Variants in FAM78B observed in about 807,000 individuals in gnomAD.
The protein encoded by FAM78B is family with sequence similarity 78 member B, also known as protein FAM78B.
Under a neutral mutation model 20.0 loss-of-function variants are expected in FAM78B, and 10 were observed. The ratio of observed to expected loss-of-function variants is 0.50; its 90% CI spans 0.31 to 0.85. FAM78B has a LOEUF of 0.85. Ranked by LOEUF, FAM78B falls within the 40% of genes least tolerant of loss-of-function variation. The pLI is 0.05. For missense variants in FAM78B, 283 were observed against 345.0 expected (o/e 0.82, Z 1.42); for synonymous variants, 135 against 132.8 (o/e 1.02, Z -0.12).
At chr1:166,133,990 G>GTGAGTGAC (rs1654978283) in intron 1 of FAM78B, among the ~76,000 whole-genome samples, 1 of 152,180 alleles carries the variant, frequency 6.6e-6, no homozygotes, top group Non-Finnish European at 1.5e-5. Flanking sequence ...CTGAGAGTCA[G>GTGAGTGAC]TGAGTGACTG....
At chr1:166,097,391 T>A (rs1195424814) in intron 1 of FAM78B, among the ~76,000 whole-genome samples, 1 of 152,160 alleles carries the variant, frequency 6.6e-6, no homozygotes, top group African/African-American at 2.4e-5. Context: ...AAATCCAGCA[T>A]ACAGACTGCA....
intron 1 of FAM78B, among the ~76,000 whole-genome samples, chr1:166,079,945 A>G (rs1025859219): frequency 3.3e-5 from 5 of 152,186 alleles, no homozygotes; most frequent in African/African-American, 4.8e-5. Flanking sequence ...GTGTGGTTTC[A>G]CTGCTGCTTG....
intron 1 of FAM78B, among the ~76,000 whole-genome samples, chr1:166,100,317 T>A (rs891433233): frequency 2.0e-5 from 3 of 152,140 alleles, no homozygotes; most frequent in Non-Finnish European, 4.4e-5. Context: ...ACCGGGTTCA[T>A]CTCATTGGGG....
At chr1:166,086,518 C>A (rs965286129) in intron 1 of FAM78B, among the ~76,000 whole-genome samples, 3 of 152,144 alleles carry the variant, frequency 2.0e-5, no homozygotes, top group Non-Finnish European at 4.4e-5. Context: ...CAGAGGGAGG[C>A]AGACACAGGA....
chr1:166,096,647 C>T (rs1653286342), intron 1 of FAM78B, among the ~76,000 whole-genome samples: 1 of 152,170 alleles, frequency 6.6e-6, no homozygotes. Context: ...CTCCAACTGT[C>T]CTGATGTAGT....
chr1:166,115,633 G>A lies in FAM78B; in HGVS notation c.264-44870C>T, dbSNP rs190629791. The stretch of plus-strand genomic sequence containing the variant: ...CATGATCCCTACCTTCGCCGGGGCA[G>A]CTTATGATCTATCAAAGGTTGACAA... On this transcript the variant is annotated intron_variant, in intron 1 of 1. Coordinates refer to ENST00000354422, the MANE Select transcript of FAM78B (RefSeq NM_001017961.5). Among the ~76,000 whole-genome samples the A allele has an allele frequency of 3.8e-3, 572 of 152,320 alleles. 4 individuals carry two copies. Among genetic ancestry groups the A allele is most frequent in the Middle Eastern group, 0.017 (5 of 292 alleles).
At chr1:166,078,674 C>A (rs1315283774) in intron 1 of FAM78B, among the ~76,000 whole-genome samples, 1 of 152,210 alleles carries the variant, frequency 6.6e-6, no homozygotes, top group African/African-American at 2.4e-5. Context: ...CTTTGCTCCC[C>A]CTGAAGCCCT....
At chr1:166,141,577 G>A (rs1286665172) in intron 1 of FAM78B, among the ~76,000 whole-genome samples, 2 of 152,338 alleles carry the variant, frequency 1.3e-5, no homozygotes, top group East Asian at 3.9e-4. Flanking sequence ...TGTTAAACTA[G>A]TAAATGCAGA....
At chr1:166,098,089 C>T (rs746855912) in intron 1 of FAM78B, among the ~76,000 whole-genome samples, 3 of 152,134 alleles carry the variant, frequency 2.0e-5, no homozygotes, top group Non-Finnish European at 2.9e-5. Flanking sequence ...CAACCTGGAG[C>T]CGGGTAGACT....
chr1:166,163,461 T>C (rs1656238010), intron 1 of FAM78B, among the ~76,000 whole-genome samples: 1 of 152,256 alleles, frequency 6.6e-6, no homozygotes, highest in South Asian at 2.1e-4. Flanking sequence ...CTTGCCATTT[T>C]ATGTTGTGGA....
chr1:166,076,745 T>C lies in FAM78B; in HGVS notation c.264-5982A>G, dbSNP rs148474452. ...ATTTGTTGAATACATATCAAATTGA[T>C]CTGAAGTGAAAGATGAGTGGAGACC... On this transcript the variant is annotated intron_variant, in intron 1 of 1. Coordinates refer to ENST00000354422, the MANE Select transcript of FAM78B (RefSeq NM_001017961.5). 5.6e-3 allele frequency among the ~76,000 whole-genome samples: 854 copies of C among 152,310 alleles called. 13 individuals are homozygous for C. The highest frequency in any genetic ancestry group is 0.02 in the African/African-American group (823 of 41,578).
At position 166,077,957 on chromosome 1, in the gene FAM78B, TAATTATATATATAATA is replaced by T. The variant is rs1652389993; in HGVS notation, c.264-7210_264-7195del. Among the ~76,000 whole-genome samples, 7 of 11,442 alleles carry T rather than the reference TAATTATATATATAATA, an allele frequency of 6.1e-4. 1 individual carries two copies. Among genetic ancestry groups the T allele is most frequent in the Admixed American group, 1.8e-3 (1 of 554 alleles). The allele number at this position is 11,442 out of a possible 152,430, so 7.5% of individuals were successfully genotyped here. A position where few individuals can be genotyped will look rare whatever the true frequency, so the allele number is the denominator to read the frequency against. ...TAATAATATATATAATTTATATATA[TAATTATATATATAATA>T]AATATATATAATTTATATATATAAT... On this transcript the variant is annotated intron_variant, in intron 1 of 1. Coordinates refer to ENST00000354422, the MANE Select transcript of FAM78B (RefSeq NM_001017961.5).
At chr1:166,129,417 C>G (rs1654788479) in intron 1 of FAM78B, among the ~76,000 whole-genome samples, 1 of 152,130 alleles carries the variant, frequency 6.6e-6, no homozygotes, top group African/African-American at 2.4e-5. Context: ...ATAAATAGTC[C>G]TTAAACGATA....
chr1:166,087,661 T>C (rs1029838119), intron 1 of FAM78B, among the ~76,000 whole-genome samples: 1 of 152,212 alleles, frequency 6.6e-6, no homozygotes, highest in Non-Finnish European at 1.5e-5. Context: ...TGTGTCTCTC[T>C]TTGCCCAGCT....
intron 1 of FAM78B, among the ~76,000 whole-genome samples, chr1:166,137,856 T>G (rs1655125252): frequency 1.3e-5 from 2 of 152,342 alleles, no homozygotes; most frequent in East Asian, 1.9e-4. Context: ...CCTGCAGGCT[T>G]CCTGTCTACA....
intron 1 of FAM78B, among the ~76,000 whole-genome samples, chr1:166,158,306 C>A (rs1305950058): frequency 6.6e-6 from 1 of 152,114 alleles, no homozygotes. Flanking sequence ...GCCTGGGTAA[C>A]AGAGCAAGAC....
chr1:166,091,082 A>T (rs1207350666), intron 1 of FAM78B, among the ~76,000 whole-genome samples: 1 of 152,216 alleles, frequency 6.6e-6, no homozygotes, highest in African/African-American at 2.4e-5. Context: ...AAGGATGAGC[A>T]GCAGAGGAGG....
chr1:166,157,123 C>T (rs540872649), intron 1 of FAM78B, among the ~76,000 whole-genome samples: 2 of 150,716 alleles, frequency 1.3e-5, no homozygotes, highest in Admixed American at 6.6e-5. Context: ...CTTTCTCCTC[C>T]CCTCTATCTT....
downstream of FAM78B, among the ~76,000 whole-genome samples, chr1:166,066,724 C>T (rs187393188): frequency 9.2e-5 from 14 of 152,178 alleles, no homozygotes; most frequent in Admixed American, 2.0e-4. Context: ...TTTTACTGAT[C>T]AGAATTGCTG....
Sources: gnomAD v4.1 joint callset for allele counts (sites outside exome capture counted in the v4.1 genomes callset) on GRCh38, gnomAD v4.1.1 for gene constraint, MANE v1.5 for transcripts, NCBI Gene and HGNC (gene_info 2026-07-23, HGNC 2026-07-21) for gene names.